ZBTB16: variants seen among roughly 807,000 people sequenced by gnomAD.
The protein encoded by ZBTB16 is zinc finger and BTB domain-containing protein 16.
ZBTB16 carries 8 observed loss-of-function variants against 56.8 expected under a neutral mutation model. That is an observed-to-expected ratio of 0.14 (90% CI 0.08 to 0.25). The LOEUF (loss-of-function observed/expected upper bound fraction) is 0.25. ZBTB16 is among the 10% of genes least tolerant of loss of function. The pLI is 1.00. For synonymous variants in ZBTB16, 363 were observed against 368.5 expected, an observed-to-expected ratio of 0.98 and a Z score of 0.17; for missense variants, 625 against 903.0, an observed-to-expected ratio of 0.69 and a Z score of 3.95.
intron 4 of ZBTB16, among the ~76,000 whole-genome samples, chr11:114,215,857 TG>T (rs1944083817): frequency 1.3e-5 from 2 of 152,200 alleles, no homozygotes; most frequent in South Asian, 4.1e-4. Flanking sequence ...GATGGCTATT[TG>T]AGAAAGGTTG....
In ZBTB16 at chr11:114,252,539, C is replaced by T. The variant is rs372699593; in HGVS notation, c.*1984C>T. ...CTTTTCCCCAACCTCCCCCGACCCT[C>T]CTGAATTTTGGAAAGCACATTTGCA... On this transcript the variant is annotated 3_prime_UTR_variant, in exon 7 of 7. Coordinates refer to ENST00000335953, the MANE Select transcript of ZBTB16 (RefSeq NM_006006.6). 1.3e-3 allele frequency among the ~76,000 whole-genome samples: 195 copies of T among 152,278 alleles called. 2 individuals carry two copies. Among genetic ancestry groups the T allele is most frequent in the African/African-American group, 4.5e-3 (187 of 41,542 alleles).
At chr11:114,098,588 A>G (rs1227499480) in intron 2 of ZBTB16, among the ~76,000 whole-genome samples, 5 of 149,772 alleles carry the variant, frequency 3.3e-5, no homozygotes, top group Admixed American at 6.7e-5. Flanking sequence ...GAGTCTTGCA[A>G]AAACCAGCAC....
At chr11:114,156,072 G>C (rs1216521520) in intron 2 of ZBTB16, among the ~76,000 whole-genome samples, 2 of 152,164 alleles carry the variant, frequency 1.3e-5, no homozygotes, top group Admixed American at 1.3e-4. Context: ...TCTGGAATTG[G>C]ATCTGATTTT....
At chr11:114,078,175 T>A (rs913164139) in intron 2 of ZBTB16, among the ~76,000 whole-genome samples, 1 of 152,174 alleles carries the variant, frequency 6.6e-6, no homozygotes, top group Non-Finnish European at 1.5e-5. Flanking sequence ...CTCACCTACT[T>A]TTCTCCTCCT....
At chr11:114,201,656 G>A (rs1295308651) in intron 4 of ZBTB16, among the ~76,000 whole-genome samples, 2 of 152,190 alleles carry the variant, frequency 1.3e-5, no homozygotes, top group South Asian at 2.1e-4. Context: ...TGTCCATGAT[G>A]TTTTGCATGA....
chr11:114,132,070 T>C (rs112936782), intron 2 of ZBTB16, among the ~76,000 whole-genome samples: 1 of 150,222 alleles, frequency 6.7e-6, no homozygotes, highest in East Asian at 1.9e-4. Flanking sequence ...AAAAAAAAAA[T>C]CTTTTAAACT....
intron 3 of ZBTB16, among the ~76,000 whole-genome samples, chr11:114,161,278 C>T (rs192688203): frequency 1.1e-4 from 16 of 152,210 alleles, no homozygotes; most frequent in African/African-American, 2.9e-4. Flanking sequence ...ATTTTTGACT[C>T]GGCTGCATAC....
rs892934592 is a variant in ZBTB16, at chr11:114,254,798, G to A, written c.*4243G>A. Among the ~76,000 whole-genome samples, 5 of 152,176 alleles carry A rather than the reference G, an allele frequency of 3.3e-5. No individual in the cohort carries two copies. The highest frequency in any genetic ancestry group is 4.8e-5 in the African/African-American group (2 of 41,426). On this transcript the variant is annotated 3_prime_UTR_variant, in exon 7 of 7. Transcript: ENST00000335953. ...ATATTTCAGTGGGAGGATGAAAGGC[G>A]AGACTCACCCTACGCGGTGGGACAG...
At chr11:114,083,088 G>A (rs891837690) in intron 2 of ZBTB16, among the ~76,000 whole-genome samples, 4 of 152,212 alleles carry the variant, frequency 2.6e-5, no homozygotes, top group East Asian at 1.9e-4. Context: ...CCTTGGAAAC[G>A]CCGTTCCAGG....
chr11:114,200,620 T>TG (rs1943718037), intron 4 of ZBTB16, among the ~76,000 whole-genome samples: 1 of 152,184 alleles, frequency 6.6e-6, no homozygotes, highest in Admixed American at 6.5e-5. Flanking sequence ...TGGGGTGATC[T>TG]GGCAGGACTC....
At chr11:114,228,433 C>T (rs544329) in intron 4 of ZBTB16, among the ~76,000 whole-genome samples, 133,951 of 152,184 alleles carry the variant, frequency 0.88, 59,058 homozygotes, top group East Asian at 0.98. Flanking sequence ...TGGAAGGAGC[C>T]ACTGAATTTC....
chr11:114,092,289 G>C (rs748439099), intron 2 of ZBTB16, among the ~76,000 whole-genome samples: 1 of 152,212 alleles, frequency 6.6e-6, no homozygotes, highest in African/African-American at 2.4e-5. Context: ...TGGCTTAGGG[G>C]AGAAGCGAGG....
chr11:114,063,705 C>T lies in ZBTB16; in HGVS notation c.405C>T (p.Ala135=). 1 of 1,614,080 alleles carries T rather than the reference C, an allele frequency of 6.2e-7. No individual in the cohort carries two copies. Among genetic ancestry groups the T allele is most frequent in the Admixed American group, 1.7e-5 (1 of 60,030 alleles). The change falls in exon 2 of 7, where the codon GCC becomes GCT. Residue 135 remains alanine, a synonymous_variant. Coordinates refer to ENST00000335953, the MANE Select transcript of ZBTB16 (RefSeq NM_006006.6). This position sits in a 1 kb window ranked among gnomAD's most constrained non-coding sequence, Gnocchi z 6.5. ...CCTCAGACGACAATGACACGGAGGC[C>T]ACCATGGCCGATGGCGGGGCCGAGG... ...IQASDDNDTE[A]TMADGGAEEE...
chr11:114,197,357 G>A (rs1290234478), intron 4 of ZBTB16, among the ~76,000 whole-genome samples: 1 of 152,106 alleles, frequency 6.6e-6, no homozygotes, highest in African/African-American at 2.4e-5. Flanking sequence ...AGTGGGCATT[G>A]GAGGGAACCC....
chr11:114,073,768 G>A lies in ZBTB16; in HGVS notation c.1268+9200G>A, dbSNP rs188657630. Among the ~76,000 whole-genome samples, 4 of 152,158 alleles carry A rather than the reference G, an allele frequency of 2.6e-5. 1 individual carries two copies. In the East Asian group the frequency reaches 7.7e-4, roughly 29 times the overall value. ...GACTGTCACAGACATTTTGATGAAG[G>A]GGGGACATTCTGGGCCATTTGAAGT... On this transcript the variant is annotated intron_variant, in intron 2 of 6. Coordinates refer to ENST00000335953, the MANE Select transcript of ZBTB16 (RefSeq NM_006006.6).
chr11:114,183,888 G>C (rs1943306540), intron 3 of ZBTB16, among the ~76,000 whole-genome samples: 1 of 152,210 alleles, frequency 6.6e-6, no homozygotes, highest in Non-Finnish European at 1.5e-5. Context: ...CTGCTTTGCT[G>C]TCACTGGGGG....
intron 4 of ZBTB16, among the ~76,000 whole-genome samples, chr11:114,221,527 T>A (rs1160667000): frequency 6.6e-6 from 1 of 152,178 alleles, no homozygotes; most frequent in East Asian, 1.9e-4. Context: ...TAGAGAATGT[T>A]TCAGGGACTC....
rs547770459 is a variant in ZBTB16, at chr11:114,251,877, GT to G, written c.*1328del. 2.5e-4 allele frequency among the ~76,000 whole-genome samples: 38 copies of G among 152,292 alleles called. No homozygotes were observed. The South Asian group carries it at 7.9e-3, about 32-fold the overall frequency. On this transcript the variant is annotated 3_prime_UTR_variant, in exon 7 of 7. Transcript: ENST00000335953. ...AGCACATTGTACTTGAATTACCTCA[GT>G]TTTTTGTGACCTCATGAGCTTTCTT... is the stretch of plus-strand genomic sequence containing the variant.
chr11:114,064,752 G>A lies in ZBTB16; in HGVS notation c.1268+184G>A, dbSNP rs1939049576. On this transcript the variant is annotated intron_variant, in intron 2 of 6. Coordinates refer to ENST00000335953, the MANE Select transcript of ZBTB16 (RefSeq NM_006006.6). The surrounding 1 kb of genome is among the most constrained non-coding windows in gnomAD (Gnocchi z 4.2). ...GCAGGTTTTTTAAAGTGTAGTGAGG[G>A]GGCCTAGGATCTTTCCAAAAAGCAC... 6.6e-6 allele frequency among the ~76,000 whole-genome samples: 1 copy of A among 152,220 alleles called. No homozygotes were observed. The highest frequency in any genetic ancestry group is 1.5e-5 in the Non-Finnish European group (1 of 68,040).
Sources: allele counts gnomAD v4.1 joint callset (sites outside exome capture counted in the v4.1 genomes callset), GRCh38; gene constraint gnomAD v4.1.1; non-coding constraint Gnocchi (gnomAD v3.1); transcripts MANE v1.5; gene names NCBI Gene and HGNC (gene_info 2026-07-23, HGNC 2026-07-21).